Variants in CYRIA observed in about 807,000 individuals in gnomAD.
CYRIA encodes the protein CYFIP related Rac1 interactor A, also known as CYFIP-related Rac1 interactor A.
Under a neutral mutation model 43.9 loss-of-function variants are expected in CYRIA, and 15 were observed. That is an observed-to-expected ratio of 0.34 (90% CI 0.23 to 0.53). CYRIA has a LOEUF of 0.53. Among genes scored for constraint, CYRIA ranks in the 20% least tolerant of loss-of-function variants. The probability of loss-of-function intolerance (pLI) is 0.94; values close to 1 mark genes in which losing one functional copy is unlikely to be tolerated. For synonymous variants in CYRIA, 117 were observed against 136.0 expected (o/e 0.86, Z 0.97); for missense variants, 236 against 394.2 (o/e 0.60, Z 3.40).
At chr2:16,640,792 C>T (rs1669654377) in intron 1 of CYRIA, among the ~76,000 whole-genome samples, 2 of 149,064 alleles carry the variant, frequency 1.3e-5, no homozygotes, top group African/African-American at 4.9e-5. Flanking sequence ...GCACAGGGTT[C>T]TTTTGTTTCC....
In CYRIA at chr2:16,665,782, A is replaced by G. The variant is rs1436964298; in HGVS notation, c.-169T>C. The G allele has an allele frequency of 1.5e-5, 2 of 136,124 alleles. No individual in the cohort carries two copies. Among genetic ancestry groups the G allele is most frequent in the Non-Finnish European group, 3.1e-5 (2 of 63,524 alleles). 8.4% of individuals were successfully genotyped at this position (136,124 alleles called of 1,614,324 possible). A position where few individuals can be genotyped will look rare whatever the true frequency, so the allele number is the denominator to read the frequency against. The stretch of plus-strand genomic sequence containing the variant: ...GCCCCCAGCCGCGCCGCGCTCACCG[A>G]GTCGCCGCCGCCCTGCTCTGCCGCC... On this transcript the variant is annotated splice_region_variant and 5_prime_UTR_variant, in exon 1 of 12. Transcript: ENST00000381323.
At chr2:16,639,184 C>T (rs1469129242) in intron 1 of CYRIA, among the ~76,000 whole-genome samples, 2 of 152,340 alleles carry the variant, frequency 1.3e-5, no homozygotes, top group East Asian at 1.9e-4. Context: ...CGCTCGTCCT[C>T]GTCTCCCATG....
intron 1 of CYRIA, among the ~76,000 whole-genome samples, chr2:16,648,660 G>A (rs1482580057): frequency 6.6e-6 from 1 of 152,188 alleles, no homozygotes; most frequent in African/African-American, 2.4e-5. Flanking sequence ...CAGAGACTTG[G>A]CTTATATTTT....
intron 3 of CYRIA, among the ~76,000 whole-genome samples, chr2:16,570,375 A>T (rs1329534179): frequency 6.6e-6 from 1 of 152,160 alleles, no homozygotes; most frequent in Non-Finnish European, 1.5e-5. Flanking sequence ...TACGGCCTGA[A>T]TGTCTCACCA....
At chr2:16,610,897 C>CATATATATATATATATATAT (rs60848949) in intron 2 of CYRIA, among the ~76,000 whole-genome samples, 36 of 92,554 alleles carry the variant, frequency 3.9e-4, no homozygotes, top group East Asian at 6.5e-4. Context: ...TTAGTCCCAA[C>CATATATATATATATATATAT]ATATATATAT....
intron 2 of CYRIA, among the ~76,000 whole-genome samples, chr2:16,620,936 A>G (rs1487510403): frequency 6.6e-6 from 1 of 152,182 alleles, no homozygotes; most frequent in East Asian, 1.9e-4. Flanking sequence ...GAGTGCAGAC[A>G]ACCTGCTCCC....
chr2:16,630,730 G>A lies in CYRIA; in HGVS notation c.-166-6711C>T, dbSNP rs148259533. Among the ~76,000 whole-genome samples, 439 of 152,246 alleles carry A rather than the reference G, an allele frequency of 2.9e-3. 3 individuals are homozygous for A. The highest frequency in any genetic ancestry group is 0.01 in the African/African-American group (420 of 41,548). ...AGTGGGAGACACATTAGAAACCCAA[G>A]GAGACCAGCTTCCTCTTCTCAGACA... On this transcript the variant is annotated intron_variant, in intron 1 of 11. Coordinates refer to ENST00000381323, the MANE Select transcript of CYRIA (RefSeq NM_030797.4).
intron 2 of CYRIA, among the ~76,000 whole-genome samples, chr2:16,589,093 G>A (rs189050609): frequency 8.5e-5 from 13 of 152,122 alleles, no homozygotes; most frequent in Admixed American, 7.9e-4. Context: ...CATATTTACG[G>A]AGGAGCGATT....
At chr2:16,564,540 C>A (rs566049101) in intron 4 of CYRIA, among the ~76,000 whole-genome samples, 3 of 152,086 alleles carry the variant, frequency 2.0e-5, no homozygotes, top group Non-Finnish European at 4.4e-5. Context: ...GTAGAAAAAC[C>A]ACCTCTTACT....
At chr2:16,581,259 C>T (rs530488543) in intron 3 of CYRIA, among the ~76,000 whole-genome samples, 16 of 152,198 alleles carry the variant, frequency 1.1e-4, no homozygotes, top group African/African-American at 2.4e-4. Context: ...AATACAAAGA[C>T]GAACAACCTA....
At chr2:16,659,364 A>G (rs181173593) in intron 1 of CYRIA, among the ~76,000 whole-genome samples, 1 of 152,340 alleles carries the variant, frequency 6.6e-6, no homozygotes, top group East Asian at 1.9e-4. Flanking sequence ...ACACCTCTGG[A>G]CTTCCATTCG....
At chr2:16,591,107 T>C (rs188757130) in intron 2 of CYRIA, among the ~76,000 whole-genome samples, 1 of 152,288 alleles carries the variant, frequency 6.6e-6, no homozygotes. Flanking sequence ...GCTATTACCA[T>C]AGTACTCATG....
intron 1 of CYRIA, among the ~76,000 whole-genome samples, chr2:16,629,876 A>G (rs1331227164): frequency 6.6e-6 from 1 of 152,084 alleles, no homozygotes; most frequent in East Asian, 1.9e-4. Flanking sequence ...ATTCTGGGGG[A>G]TGCTTAAGAC....
chr2:16,557,541 C>A (rs556215025), intron 10 of CYRIA, among the ~76,000 whole-genome samples: 74 of 131,798 alleles, frequency 5.6e-4, no homozygotes, highest in African/African-American at 2.2e-3. Flanking sequence ...CCCTATATGT[C>A]GTAAAAAAAA....
At chr2:16,608,491 G>C (rs1307328698) in intron 2 of CYRIA, among the ~76,000 whole-genome samples, 2 of 152,310 alleles carry the variant, frequency 1.3e-5, no homozygotes, top group African/African-American at 4.8e-5. Context: ...GTGGAATGAG[G>C]ACGGCGTTTT....
intron 3 of CYRIA, among the ~76,000 whole-genome samples, chr2:16,570,271 T>C (rs916254523): frequency 1.3e-5 from 2 of 152,134 alleles, no homozygotes; most frequent in Non-Finnish European, 2.9e-5. Context: ...ATATCTCTCC[T>C]GGTTACCATT....
intron 1 of CYRIA, among the ~76,000 whole-genome samples, chr2:16,661,346 T>C (rs575237309): frequency 6.6e-6 from 1 of 152,328 alleles, no homozygotes; most frequent in Non-Finnish European, 1.5e-5. Flanking sequence ...CCATATGTTC[T>C]GACCTTGTTT....
At chr2:16,586,461 G>C (rs192760161) in intron 3 of CYRIA, among the ~76,000 whole-genome samples, 3 of 152,042 alleles carry the variant, frequency 2.0e-5, no homozygotes, top group African/African-American at 7.2e-5. Context: ...AACTCGCTCT[G>C]CCTCTAGCTA....
intron 1 of CYRIA, among the ~76,000 whole-genome samples, chr2:16,642,636 G>A (rs188004058): frequency 1.2e-4 from 19 of 152,234 alleles, no homozygotes; most frequent in Admixed American, 2.0e-4. Context: ...CAGACTCAGG[G>A]TGGACCCCCA....
Sources: gnomAD v4.1 joint callset for allele counts (sites outside exome capture counted in the v4.1 genomes callset) on GRCh38, gnomAD v4.1.1 for gene constraint, MANE v1.5 for transcripts, NCBI Gene and HGNC (gene_info 2026-07-23, HGNC 2026-07-21) for gene names.